The following CTNNA2 variants were observed in gnomAD, a reference collection of about 807,000 sequenced individuals.
CTNNA2 encodes catenin alpha 2.
A neutral mutation model predicts 101.0 loss-of-function variants in CTNNA2; 42 were observed. The observed-to-expected ratio is 0.42, with a 90% CI of 0.32 to 0.54. The LOEUF (loss-of-function observed/expected upper bound fraction) is 0.54, where lower values mean the gene tolerates loss of function less well. Ranked by LOEUF, CTNNA2 falls within the 20% of genes least tolerant of loss-of-function variation. The pLI, the probability that CTNNA2 is intolerant of heterozygous loss-of-function variation, is 0.14. For synonymous variants in CTNNA2, 450 were observed against 456.4 expected, an observed-to-expected ratio of 0.99 and a Z score of 0.18; for missense variants, 871 against 1,223.1, an observed-to-expected ratio of 0.71 and a Z score of 4.29.
At chr2:79,937,877 A>G (rs1430687085) in intron 7 of CTNNA2, among the ~76,000 whole-genome samples, 1 of 152,200 alleles carries the variant, frequency 6.6e-6, no homozygotes, top group Non-Finnish European at 1.5e-5. Flanking sequence ...AGAAACACTG[A>G]TGAAGAAAGT....
intron 7 of CTNNA2, among the ~76,000 whole-genome samples, chr2:79,956,863 T>C (rs1689270898): frequency 8.0e-6 from 1 of 125,684 alleles, no homozygotes; most frequent in Non-Finnish European, 1.8e-5. Flanking sequence ...TTTTTTTTTT[T>C]TTTTTCAGTG....
intron 3 of CTNNA2, among the ~76,000 whole-genome samples, chr2:79,359,842 T>A (rs559710121): frequency 6.6e-6 from 1 of 152,260 alleles, no homozygotes; most frequent in South Asian, 2.1e-4. Context: ...CCCTTGATAA[T>A]CTTCTGAACC....
At chr2:80,240,462 G>C (rs1168948277) in intron 7 of CTNNA2, among the ~76,000 whole-genome samples, 2 of 152,122 alleles carry the variant, frequency 1.3e-5, no homozygotes. Context: ...GTGCACCGTA[G>C]TCCCACTCCT....
At chr2:79,655,015 T>C (rs1244937037) in intron 2 of CTNNA2, among the ~76,000 whole-genome samples, 1 of 152,206 alleles carries the variant, frequency 6.6e-6, no homozygotes, top group African/African-American at 2.4e-5. Flanking sequence ...TGTATATGTT[T>C]AATTTTTAAA....
At chr2:80,203,562 G>C (rs1235606414) in intron 7 of CTNNA2, among the ~76,000 whole-genome samples, 1 of 152,246 alleles carries the variant, frequency 6.6e-6, no homozygotes, top group Admixed American at 6.5e-5. Context: ...GCTGATGCAA[G>C]TGGTAGGTTC....
At chr2:79,672,708 CTTTTTTTT>C (rs768344475) in intron 2 of CTNNA2, among the ~76,000 whole-genome samples, 1 of 134,316 alleles carries the variant, frequency 7.4e-6, no homozygotes, top group Admixed American at 7.6e-5. Flanking sequence ...TTTCTTTTTT[CTTTTTTTT>C]TTTTTTTTTG....
At chr2:80,058,004 T>C (rs543144358) in intron 7 of CTNNA2, among the ~76,000 whole-genome samples, 1 of 152,268 alleles carries the variant, frequency 6.6e-6, no homozygotes, top group African/African-American at 2.4e-5. Flanking sequence ...CCATAGTAGC[T>C]CCTAGAGAGA....
chr2:79,218,311 T>TTGTG (rs60680995), intron 2 of CTNNA2, among the ~76,000 whole-genome samples: 13,152 of 114,630 alleles, frequency 0.11, 1,243 homozygotes, highest in African/African-American at 0.22. Flanking sequence ...TTCATGAACT[T>TTGTG]TGTGTGTGTG....
intron 7 of CTNNA2, among the ~76,000 whole-genome samples, chr2:80,229,762 A>G (rs7585771): frequency 0.13 from 19,388 of 152,158 alleles, 2,947 homozygotes; most frequent in African/African-American, 0.36. Flanking sequence ...CTCTATCCTT[A>G]GAGACCTTCC....
intron 7 of CTNNA2, among the ~76,000 whole-genome samples, chr2:79,962,834 G>T (rs941169548): frequency 2.0e-5 from 3 of 152,290 alleles, no homozygotes; most frequent in African/African-American, 7.2e-5. Context: ...CACTTTGGGA[G>T]GCCGAGGCGG....
At chr2:80,539,082 G>T (rs531327666) in intron 9 of CTNNA2, among the ~76,000 whole-genome samples, 1 of 152,058 alleles carries the variant, frequency 6.6e-6, no homozygotes, top group African/African-American at 2.4e-5. Context: ...GGAGTGGAGC[G>T]ATCTCGGCTC....
chr2:80,533,301 T>G (rs1182542270), intron 9 of CTNNA2, among the ~76,000 whole-genome samples: 1 of 152,112 alleles, frequency 6.6e-6, no homozygotes, highest in Non-Finnish European at 1.5e-5. Context: ...CTTGGAAGAT[T>G]GCTAGTTTAA....
chr2:79,871,464 A>G (rs2104033733), intron 5 of CTNNA2, among the ~76,000 whole-genome samples: 1 of 152,288 alleles, frequency 6.6e-6, no homozygotes, highest in Non-Finnish European at 1.5e-5. Flanking sequence ...CAGGCCCCAG[A>G]GTCTAGAAGC....
intron 7 of CTNNA2, among the ~76,000 whole-genome samples, chr2:80,176,133 A>G (rs1377887937): frequency 1.3e-5 from 2 of 152,166 alleles, no homozygotes; most frequent in African/African-American, 4.8e-5. Context: ...TAACCATCAC[A>G]AGTCCACTCC....
chr2:79,875,887 C>T (rs1247305476), intron 6 of CTNNA2, among the ~76,000 whole-genome samples: 2 of 151,886 alleles, frequency 1.3e-5, no homozygotes, highest in African/African-American at 4.8e-5. Context: ...CTTTATATAA[C>T]ATAAATATAC....
At chr2:79,974,162 A>G (rs1378142997) in intron 7 of CTNNA2, among the ~76,000 whole-genome samples, 2 of 152,114 alleles carry the variant, frequency 1.3e-5, no homozygotes, top group African/African-American at 4.8e-5. Flanking sequence ...ACCTTGGGAA[A>G]CTTAGGAAAC....
intron 6 of CTNNA2, among the ~76,000 whole-genome samples, chr2:79,900,797 T>G (rs1046852150): frequency 2.0e-5 from 3 of 151,534 alleles, no homozygotes; most frequent in Non-Finnish European, 4.4e-5. Flanking sequence ...ACTAAAAGAG[T>G]ATAATGGGAA....
At chr2:79,897,833 T>C (rs1356574056) in intron 6 of CTNNA2, among the ~76,000 whole-genome samples, 1 of 152,232 alleles carries the variant, frequency 6.6e-6, no homozygotes, top group Non-Finnish European at 1.5e-5. Flanking sequence ...GGTTGTTCTC[T>C]GCTCCCAAGA....
chr2:80,555,730 A>G lies in CTNNA2; in HGVS notation c.1578A>G (p.Ile526Met). 1.3e-6 allele frequency: 2 copies of G among 1,574,530 alleles called. No homozygotes were observed. The highest frequency in any genetic ancestry group is 1.7e-6 in the Non-Finnish European group (2 of 1,160,246). ...HILEDVNKCV[I>M]ALQEGDVDTL... ...TGGAGGATGTGAACAAGTGTGTGAT[A>G]GCCCTCCAAGAGGGCGATGTGGACA... The change falls in exon 12 of 19, where the codon ATA becomes ATG. Residue 526 changes from isoleucine (I) to methionine (M), a missense_variant. Ile to Met is a conservative substitution (Grantham distance 10, BLOSUM62 1). Coordinates refer to ENST00000402739, the MANE Select transcript of CTNNA2 (RefSeq NM_001282597.3).
Sources: gnomAD v4.1 joint callset for allele counts (sites outside exome capture counted in the v4.1 genomes callset) on GRCh38, gnomAD v4.1.1 for gene constraint, MANE v1.5 for transcripts, NCBI Gene and HGNC (gene_info 2026-07-23, HGNC 2026-07-21) for gene names.